Variants in GDPGP1 observed in about 807,000 individuals in gnomAD.
GDPGP1 encodes GDP-D-glucose phosphorylase 1.
A neutral mutation model predicts 19.2 loss-of-function variants in GDPGP1; 18 were observed. The ratio of observed to expected loss-of-function variants is 0.94; its 90% CI spans 0.65 to 1.39. The LOEUF is 1.39. Among genes scored for constraint, GDPGP1 ranks in the 40% most tolerant of loss-of-function variants. The probability of loss-of-function intolerance (pLI) is 0.00; values close to 1 mark genes in which losing one functional copy is unlikely to be tolerated. For missense variants in GDPGP1, 449 were observed against 490.5 expected, an observed-to-expected ratio of 0.92 and a Z score of 0.80; for synonymous variants, 219 against 208.9, an observed-to-expected ratio of 1.05 and a Z score of -0.42.
At chr15:90,239,305 ATGTGTGTGTGTGTGTG>A (rs4031525) in intron 3 of GDPGP1, among the ~76,000 whole-genome samples, 133 of 147,974 alleles carry the variant, frequency 9.0e-4, no homozygotes, top group African/African-American at 3.2e-3. Context: ...GAGACATAAA[ATGTGTGTGTGTGTGTG>A]TGTGTGTGTG....
chr15:90,240,109 G>A (rs966645258), intron 3 of GDPGP1, among the ~76,000 whole-genome samples: 1 of 145,078 alleles, frequency 6.9e-6, no homozygotes, highest in Non-Finnish European at 1.5e-5. Flanking sequence ...TATAATCCCA[G>A]CTACTTGGGA....
In GDPGP1 at chr15:90,241,170, C is replaced by G; in HGVS notation, c.262C>G (p.Leu88Val). Residue 88 changes from leucine (L) to valine (V), a missense_variant, in exon 4 of 4, where the codon CTC becomes GTC. By Grantham distance (32) the Leu-to-Val change is conservative. Coordinates refer to ENST00000329600, the MANE Select transcript of GDPGP1 (RefSeq NM_001013657.3). ...TCTACGGGAGCTACAGACCCAAATC[C>G]TCCCTGGTGCTGTGGGTTTCGTGGC... ...YRLRELQTQI[L>V]PGAVGFVAQL... 6.8e-6 allele frequency: 11 copies of G among 1,614,228 alleles called. No individual in the cohort carries two copies. The highest frequency in any genetic ancestry group is 9.3e-6 in the Non-Finnish European group (11 of 1,180,048).
At chr15:90,240,778 C>T (rs1962734679) in intron 3 of GDPGP1, 122 bp from the exon 4 acceptor site, 1 of 650,626 alleles carries the variant, frequency 1.5e-6, no homozygotes, top group East Asian at 2.8e-5. Context: ...ACTGCCACTG[C>T]ACTCCAGCCT....
intron 3 of GDPGP1, 160 bp from the exon 4 acceptor site, chr15:90,240,740 G>A (rs1374163883): frequency 1.8e-6 from 1 of 569,294 alleles, no homozygotes; most frequent in African/African-American, 1.9e-5. Context: ...TTGAACCCAG[G>A]AGGCGGAGGT....
rs140114924 is a variant in GDPGP1, at chr15:90,241,453, T to C, written c.545T>C (p.Leu182Pro). Residue 182 changes from leucine (L) to proline (P), a missense_variant, in exon 4 of 4, where the codon CTG becomes CCG. Leu to Pro is a moderately conservative substitution (Grantham distance 98, BLOSUM62 -3). Transcript: ENST00000329600. ...EPARQLPQRL[L>P]PGALRAGIEA... The stretch of plus-strand genomic sequence containing the variant: ...GCCCGCCAGCTCCCCCAGCGCCTGC[T>C]GCCGGGTGCACTGAGGGCAGGGATT... The C allele has an allele frequency of 3.7e-6, 6 of 1,613,562 alleles. No individual in the cohort carries two copies. The Admixed American group carries it at 5.0e-5, about 13-fold the overall frequency.
rs1215770751 is a variant in GDPGP1 at position 90,241,904 on chromosome 15, C to G, written c.996C>G (p.Leu332=). ...IKDGEAFNVA[L]CELAGHLPVK... ...ACGGTGAAGCTTTCAATGTTGCCCT[C>G]TGTGAGCTGGCTGGGCACCTCCCTG... The change falls in exon 4 of 4, where the codon CTC becomes CTG. Residue 332 remains leucine, a synonymous_variant. Coordinates refer to ENST00000329600, the MANE Select transcript of GDPGP1 (RefSeq NM_001013657.3). 6.2e-7 allele frequency: 1 copy of G among 1,614,034 alleles called. No individual in the cohort carries two copies. Among genetic ancestry groups the G allele is most frequent in the African/African-American group, 1.3e-5 (1 of 74,922 alleles).
chr15:90,244,096 G>C lies in GDPGP1; in HGVS notation c.*2030G>C, dbSNP rs1166629820. On this transcript the variant is annotated 3_prime_UTR_variant, in exon 4 of 4. Transcript: ENST00000329600. Reference sequence around the variant, plus strand: ...CCCCATTCAAAACGGGATGGAGACTGACAGTTTGTACTTTGTTCAAGGTCA... The same window carrying C: ...CCCCATTCAAAACGGGATGGAGACTCACAGTTTGTACTTTGTTCAAGGTCA... 6.6e-6 allele frequency: 1 copy of C among 152,186 alleles called. No homozygotes were observed. Among genetic ancestry groups the C allele is most frequent in the African/African-American group, 2.4e-5 (1 of 41,434 alleles). 9.4% of individuals were successfully genotyped at this position (152,186 alleles called of 1,614,324 possible).
In GDPGP1 at chr15:90,241,664, T is replaced by A; in HGVS notation, c.756T>A (p.Ala252=). The change falls in exon 4 of 4, where the codon GCT becomes GCA. Residue 252 remains alanine, a synonymous_variant. Transcript: ENST00000329600. ...TGCATCTGCTCCAGGACCTCCCAGC[T>A]CCTGGCTTCCTCTTTTACACTCGTG... is the stretch of plus-strand genomic sequence containing the variant. ...GHLHLLQDLP[A]PGFLFYTRGP... The A allele has an allele frequency of 6.2e-7, 1 of 1,614,222 alleles. No individual in the cohort carries two copies. Among genetic ancestry groups the A allele is most frequent in the Middle Eastern group, 1.6e-4 (1 of 6,062 alleles).
Position 90,241,012 on chromosome 15 carries a change from A to G in GDPGP1, c.104A>G (p.Asp35Gly). 6.2e-7 allele frequency: 1 copy of G among 1,613,950 alleles called. No individual in the cohort carries two copies. The highest frequency in any genetic ancestry group is 2.2e-5 in the East Asian group (1 of 44,870). ...CCTGACTTTGTTTATGGGCAGAAGG[A>G]TCTCATGGCAGAAGGGATTCAGTGG... The part of the protein sequence containing the change: ...TIPDFVYGQK[D>G]LMAEGIQWPR... Residue 35 changes from aspartate (D) to glycine (G), a missense_variant, in exon 4 of 4, where the codon GAT (aspartate) becomes GGT (glycine). Coordinates refer to ENST00000329600, the MANE Select transcript of GDPGP1 (RefSeq NM_001013657.3).
rs770919378 is a variant in GDPGP1, at chr15:90,241,236, C to A, written c.328C>A (p.Gln110Lys). The A allele has an allele frequency of 6.2e-7, 1 of 1,614,184 alleles. No homozygotes were observed. Among genetic ancestry groups the A allele is most frequent in the Non-Finnish European group, 8.5e-7 (1 of 1,180,036 alleles). The change falls in exon 4 of 4, where the codon CAG (glutamine) becomes AAG (lysine). Residue 110 changes from glutamine (Q) to lysine (K), a missense_variant. Gln to Lys is a moderately conservative substitution (Grantham distance 53). Transcript: ENST00000329600. The part of the protein sequence containing the change: ...VERGVQRRPP[Q>K]TIKSVRQAFD... ...GCGTGGTGTGCAGAGGAGGCCCCCGCAGACCATCAAGAGTGTGAGGCAGGC... is the reference window on the plus strand; with the variant it reads ...GCGTGGTGTGCAGAGGAGGCCCCCGAAGACCATCAAGAGTGTGAGGCAGGC...
Position 90,242,906 on chromosome 15 carries a change from G to T in GDPGP1, c.*840G>T, listed in dbSNP as rs1478386554. 1.3e-5 allele frequency: 2 copies of T among 152,154 alleles called. No homozygotes were observed. Among genetic ancestry groups the T allele is most frequent in the Non-Finnish European group, 2.9e-5 (2 of 68,042 alleles). The allele number at this position is 152,154 out of a possible 1,614,324, so 9.4% of individuals were successfully genotyped here. On this transcript the variant is annotated 3_prime_UTR_variant, in exon 4 of 4. Coordinates refer to ENST00000329600, the MANE Select transcript of GDPGP1 (RefSeq NM_001013657.3). ...TCTCTTAAAGGGGAGAAAGATAATGGTCTCTTTAAAGGGGAGCTGATAGTG... is the reference window on the plus strand; with the variant it reads ...TCTCTTAAAGGGGAGAAAGATAATGTTCTCTTTAAAGGGGAGCTGATAGTG...
rs772049662 is a variant in GDPGP1 at position 90,241,995 on chromosome 15, C to T, written c.1087C>T (p.Arg363Trp). ...TGCTGTGGCCCTCATTCAGGACTGT[C>T]GGCTGCCCCCATCCCAGGCAGAAGA... ...AAAVALIQDC[R>W]LPPSQAEDVQ... The change falls in exon 4 of 4, where the codon CGG becomes TGG. Residue 363 changes from arginine to tryptophan, a missense_variant. Coordinates refer to ENST00000329600, the MANE Select transcript of GDPGP1 (RefSeq NM_001013657.3). 38 of 1,614,022 alleles carry T rather than the reference C, an allele frequency of 2.4e-5. No homozygotes were observed. Among genetic ancestry groups the T allele is most frequent in the Admixed American group, 3.3e-5 (2 of 59,984 alleles).
At chr15:90,239,299 CAT>C (rs1962700216) in intron 3 of GDPGP1, among the ~76,000 whole-genome samples, 1 of 121,588 alleles carries the variant, frequency 8.2e-6, no homozygotes, top group Non-Finnish European at 1.7e-5. Flanking sequence ...CTATATGAGA[CAT>C]AAAATGTGTG....
chr15:90,240,033 G>C (rs1186141109), intron 3 of GDPGP1, among the ~76,000 whole-genome samples: 1 of 152,134 alleles, frequency 6.6e-6, no homozygotes. Flanking sequence ...AGACCAGCCA[G>C]ACCAACATGG....
chr15:90,240,364 C>T (rs1207129353), intron 3 of GDPGP1, among the ~76,000 whole-genome samples: 3 of 148,542 alleles, frequency 2.0e-5, no homozygotes, highest in South Asian at 2.1e-4. Context: ...AAAAATTAGC[C>T]GGGCCTGGTG....
Position 90,245,697 on chromosome 15 carries a change from C to T in GDPGP1, c.*3631C>T, listed in dbSNP as rs2151642256. ...GCGTTCAAAGTGATAAGCCAAATAT[C>T]AGGATTTTCCCAGTTTCTCCGTAGG... On this transcript the variant is annotated 3_prime_UTR_variant, in exon 4 of 4. Transcript: ENST00000329600. 1 of 152,242 alleles carries T rather than the reference C, an allele frequency of 6.6e-6. No homozygotes were observed. Among genetic ancestry groups the T allele is most frequent in the South Asian group, 2.1e-4 (1 of 4,818 alleles). 9.4% of individuals were successfully genotyped at this position (152,242 alleles called of 1,614,324 possible).
intron 3 of GDPGP1, 134 bp from the exon 4 acceptor site, chr15:90,240,766 T>G: frequency 3.2e-6 from 2 of 618,442 alleles, no homozygotes; most frequent in Admixed American, 3.0e-5. Flanking sequence ...TGAACCAAGA[T>G]CACTGCCACT....
chr15:90,235,626 G>A (rs1263214447), intron 2 of GDPGP1, among the ~76,000 whole-genome samples: 2 of 151,954 alleles, frequency 1.3e-5, no homozygotes, highest in African/African-American at 4.8e-5. Flanking sequence ...GGAGTGCAGT[G>A]GCATGATCTT....
At chr15:90,240,180 G>A (rs531055442) in intron 3 of GDPGP1, among the ~76,000 whole-genome samples, 11 of 148,884 alleles carry the variant, frequency 7.4e-5, no homozygotes, top group African/African-American at 2.2e-4. Flanking sequence ...CCAAGATAGC[G>A]CCATTGCACT....
Sources: gnomAD v4.1 joint callset for allele counts (sites outside exome capture counted in the v4.1 genomes callset) on GRCh38, gnomAD v4.1.1 for gene constraint, MANE v1.5 for transcripts, NCBI Gene and HGNC (gene_info 2026-07-23, HGNC 2026-07-21) for gene names.